Variants in ELMO1 observed in about 807,000 individuals in gnomAD.
ELMO1 encodes engulfment and cell motility 1, also known as engulfment and cell motility protein 1.
In ELMO1, 26 loss-of-function variants were observed where a neutral mutation model predicts 98.9. The observed-to-expected ratio is 0.26, with a 90% CI of 0.19 to 0.36. ELMO1 has a LOEUF of 0.36. ELMO1 is among the 10% of genes least tolerant of loss of function. The pLI is 1.00. For synonymous variants in ELMO1, 346 were observed against 346.0 expected, an observed-to-expected ratio of 1.00 and a Z score of 0.00; for missense variants, 627 against 935.2, an observed-to-expected ratio of 0.67 and a Z score of 4.30.
chr7:36,950,815 G>A (rs1787905667), intron 16 of ELMO1, among the ~76,000 whole-genome samples: 1 of 152,234 alleles, frequency 6.6e-6, no homozygotes, highest in African/African-American at 2.4e-5. Flanking sequence ...ACAAGCTGAG[G>A]ATGCACTCCA....
At chr7:37,061,723 A>G (rs1280518826) in intron 15 of ELMO1, among the ~76,000 whole-genome samples, 2 of 152,242 alleles carry the variant, frequency 1.3e-5, no homozygotes, top group East Asian at 3.8e-4. Context: ...TTATTTAAAA[A>G]TAAAAAAGAA....
At chr7:37,300,877 A>G (rs984504149) in intron 4 of ELMO1, among the ~76,000 whole-genome samples, 26 of 152,160 alleles carry the variant, frequency 1.7e-4, no homozygotes, top group African/African-American at 6.0e-4. Flanking sequence ...GGTAGAATTC[A>G]GCTGTGAAGC....
intron 16 of ELMO1, among the ~76,000 whole-genome samples, chr7:36,979,736 C>T (rs967722412): frequency 6.6e-6 from 1 of 152,192 alleles, no homozygotes; most frequent in Admixed American, 6.5e-5. Context: ...ATGCGGACTT[C>T]AAATTGCTGG....
At chr7:37,028,168 T>G (rs571998822) in intron 15 of ELMO1, among the ~76,000 whole-genome samples, 46 of 152,196 alleles carry the variant, frequency 3.0e-4, no homozygotes, top group Admixed American at 1.9e-3. Context: ...TTGCCCAGAC[T>G]CACAGAACTA....
intron 14 of ELMO1, among the ~76,000 whole-genome samples, chr7:37,126,329 A>ATATATATAT (rs1563019733): frequency 2.8e-5 from 4 of 142,392 alleles, no homozygotes; most frequent in East Asian, 2.0e-4. Flanking sequence ...ATATATATAT[A>ATATATATAT]AAAGAAAAGA....
At chr7:37,124,267 G>C (rs1563018087) in intron 14 of ELMO1, among the ~76,000 whole-genome samples, 1 of 152,164 alleles carries the variant, frequency 6.6e-6, no homozygotes, top group Admixed American at 6.5e-5. Flanking sequence ...TCAACATAGT[G>C]TTGGAAGTTC....
intron 8 of ELMO1, among the ~76,000 whole-genome samples, chr7:37,228,097 T>C (rs539494704): frequency 1.3e-5 from 2 of 152,104 alleles, no homozygotes; most frequent in African/African-American, 4.8e-5. Flanking sequence ...AACTTCTTTC[T>C]TTTGTTTTAT....
intron 13 of ELMO1, among the ~76,000 whole-genome samples, chr7:37,148,372 C>T (rs574635178): frequency 3.3e-5 from 5 of 152,270 alleles, no homozygotes; most frequent in African/African-American, 1.2e-4. Flanking sequence ...GGCAAACTTT[C>T]CTAGTTAAAA....
At chr7:37,106,744 ACTC>A (rs1784966613) in intron 14 of ELMO1, among the ~76,000 whole-genome samples, 1 of 151,542 alleles carries the variant, frequency 6.6e-6, no homozygotes, top group African/African-American at 2.4e-5. Flanking sequence ...TTAAGGCAGA[ACTC>A]CTCTACTGCA....
At chr7:37,030,030 C>T (rs1167361224) in intron 15 of ELMO1, among the ~76,000 whole-genome samples, 1 of 152,134 alleles carries the variant, frequency 6.6e-6, no homozygotes, top group African/African-American at 2.4e-5. Context: ...ACAGACATTG[C>T]CTCCAGGAGA....
At chr7:37,421,816 CA>C (rs1271059732) in intron 1 of ELMO1, among the ~76,000 whole-genome samples, 2 of 152,148 alleles carry the variant, frequency 1.3e-5, no homozygotes, top group African/African-American at 4.8e-5. Context: ...GAGGGCTGGC[CA>C]AAAGGGTTAA....
intron 2 of ELMO1, among the ~76,000 whole-genome samples, chr7:37,329,978 G>A (rs1238597687): frequency 1.3e-5 from 2 of 152,066 alleles, no homozygotes; most frequent in African/African-American, 4.8e-5. Context: ...TCTCCAATTG[G>A]CACCTTCTAA....
chr7:36,942,521 C>A (rs1787128047), intron 16 of ELMO1, among the ~76,000 whole-genome samples: 1 of 152,174 alleles, frequency 6.6e-6, no homozygotes, highest in Non-Finnish European at 1.5e-5. Flanking sequence ...TCTGAGGAGG[C>A]TTATGACATG....
At chr7:37,222,499 C>T in intron 10 of ELMO1, 116 bp downstream of exon 10, 1 of 1,010,484 alleles carries the variant, frequency 9.9e-7, no homozygotes, top group East Asian at 2.4e-5. Context: ...GAGAGTCCAT[C>T]TGTGGCCAGG....
chr7:36,995,296 T>C (rs1267279793), intron 16 of ELMO1, among the ~76,000 whole-genome samples: 1 of 152,100 alleles, frequency 6.6e-6, no homozygotes, highest in Non-Finnish European at 1.5e-5. Context: ...GATCATGAGG[T>C]CAGGAGATCA....
rs140248833 is a variant in ELMO1 at position 37,195,326 on chromosome 7, A to G, written c.1086+16060T>C. Among the ~76,000 whole-genome samples, 15 of 150,022 alleles carry G rather than the reference A, an allele frequency of 1.0e-4. No homozygotes were observed. The East Asian group carries it at 2.9e-3, about 29-fold the overall frequency. On this transcript the variant is annotated intron_variant, in intron 13 of 21. Transcript: ENST00000310758. ...CTGTCCGCACACTGCCTTAAATATC[A>G]TAAATGCTCATAAATGTTGGTTGCA... is the stretch of plus-strand genomic sequence containing the variant.
At position 36,870,688 on chromosome 7, in the gene ELMO1, GGA is replaced by G. The variant is rs1803431261; in HGVS notation, c.1823-215_1823-214del. 6.6e-6 allele frequency among the ~76,000 whole-genome samples: 1 copy of G among 152,142 alleles called. No homozygotes were observed. On this transcript the variant is annotated intron_variant, in intron 19 of 21. Transcript: ENST00000310758. The surrounding 1 kb of genome is among the most constrained non-coding windows in gnomAD (Gnocchi z 4.4). ...TTATATTCTGGGAAAAAGCATCCCT[GGA>G]GAGAAAGAGCTTGCTTGTAAGCAGA...
At chr7:37,366,730 G>A (rs777844291) in intron 1 of ELMO1, among the ~76,000 whole-genome samples, 12 of 152,178 alleles carry the variant, frequency 7.9e-5, no homozygotes, top group South Asian at 2.1e-4. Context: ...ATGGTGCAGT[G>A]AGCCAGGCCA....
intron 16 of ELMO1, among the ~76,000 whole-genome samples, chr7:36,915,961 G>A (rs1445024697): frequency 6.6e-6 from 1 of 152,216 alleles, no homozygotes; most frequent in Non-Finnish European, 1.5e-5. Context: ...TCATCCTTGT[G>A]AGTGGAAAGA....
Sources: gnomAD v4.1 joint callset for allele counts (sites outside exome capture counted in the v4.1 genomes callset) on GRCh38, gnomAD v4.1.1 for gene constraint, Gnocchi (gnomAD v3.1) non-coding constraint, MANE v1.5 for transcripts, NCBI Gene and HGNC (gene_info 2026-07-23, HGNC 2026-07-21) for gene names.